IL20RB: variants seen among roughly 807,000 people sequenced by gnomAD.
The protein encoded by IL20RB is interleukin 20 receptor subunit beta.
A neutral mutation model predicts 33.3 loss-of-function variants in IL20RB; 21 were observed. That is an observed-to-expected ratio of 0.63 (90% CI 0.45 to 0.91). The LOEUF is 0.91. IL20RB is among the 40% of genes least tolerant of loss of function. The probability of loss-of-function intolerance (pLI) is 0.00; values close to 1 mark genes in which losing one functional copy is unlikely to be tolerated. For missense variants in IL20RB, 345 were observed against 384.8 expected, an observed-to-expected ratio of 0.90 and a Z score of 0.86; for synonymous variants, 147 against 146.8, an observed-to-expected ratio of 1.00 and a Z score of -0.01.
At chr3:136,985,694 C>G (rs1237146389) in intron 3 of IL20RB, among the ~76,000 whole-genome samples, 1 of 152,114 alleles carries the variant, frequency 6.6e-6, no homozygotes, top group East Asian at 1.9e-4. Flanking sequence ...TTTAACTTTG[C>G]ACATTTGAGT....
chr3:136,987,945 C>T lies in IL20RB; in HGVS notation c.407-1496C>T, dbSNP rs1473537128. Among the ~76,000 whole-genome samples the T allele has an allele frequency of 2.0e-5, 3 of 152,308 alleles. No individual in the cohort carries two copies. The East Asian group carries it at 5.8e-4, about 29-fold the overall frequency. On this transcript the variant is annotated intron_variant, in intron 3 of 6. Coordinates refer to ENST00000329582, the MANE Select transcript of IL20RB (RefSeq NM_144717.4). The stretch of plus-strand genomic sequence containing the variant: ...GCTGGCCCGCAAGCGCCGCGTGCAG[C>T]CCCGGTTCCAGCTCGCGCCTCTCCC...
chr3:136,987,122 C>G (rs1031771602), intron 3 of IL20RB, among the ~76,000 whole-genome samples: 1 of 152,040 alleles, frequency 6.6e-6, no homozygotes, highest in East Asian at 1.9e-4. Flanking sequence ...TGGAAGGGGA[C>G]CCGAGCGGGT....
intron 2 of IL20RB, among the ~76,000 whole-genome samples, chr3:136,980,909 T>C (rs1447455723): frequency 4.6e-5 from 7 of 152,194 alleles, no homozygotes; most frequent in African/African-American, 1.2e-4. Flanking sequence ...TCAGATCCTT[T>C]AAGGGTGGAG....
intron 1 of IL20RB, among the ~76,000 whole-genome samples, chr3:136,970,499 A>G (rs1266661489): frequency 6.6e-6 from 1 of 152,170 alleles, no homozygotes; most frequent in Non-Finnish European, 1.5e-5. Flanking sequence ...TGTTTCATTG[A>G]TCTTGGGTCT....
chr3:136,963,473 T>G (rs1941280620), intron 1 of IL20RB, among the ~76,000 whole-genome samples: 1 of 152,198 alleles, frequency 6.6e-6, no homozygotes. Context: ...TTGAAAACTT[T>G]TAGCCATTCT....
chr3:136,977,742 C>T (rs183121), intron 1 of IL20RB, among the ~76,000 whole-genome samples: 89,017 of 151,866 alleles, frequency 0.59, 26,707 homozygotes, highest in East Asian at 0.9. Context: ...GCCAGGCTGG[C>T]CTCGAACTCC....
chr3:136,990,006 G>C (rs1185911941), intron 4 of IL20RB, among the ~76,000 whole-genome samples: 2 of 152,066 alleles, frequency 1.3e-5, no homozygotes, highest in East Asian at 3.9e-4. Context: ...AAGAGGTAGA[G>C]GCAGGGATCC....
intron 6 of IL20RB, among the ~76,000 whole-genome samples, chr3:136,998,788 C>G (rs1483344802): frequency 6.6e-6 from 1 of 152,052 alleles, no homozygotes; most frequent in Non-Finnish European, 1.5e-5. Context: ...TCCCAAAGTG[C>G]TGGGATGACA....
chr3:136,962,935 A>C (rs1941264288), intron 1 of IL20RB, among the ~76,000 whole-genome samples: 1 of 151,580 alleles, frequency 6.6e-6, no homozygotes. Context: ...AAGCTTAGTT[A>C]ATAATATTGC....
At chr3:136,989,096 A>G (rs1941974141) in intron 3 of IL20RB, among the ~76,000 whole-genome samples, 1 of 152,230 alleles carries the variant, frequency 6.6e-6, no homozygotes, top group South Asian at 2.1e-4. Flanking sequence ...TAAAATTTTA[A>G]AAGAGCAAGA....
At chr3:136,989,309 T>A in intron 3 of IL20RB, 132 bp from the exon 4 acceptor site, 2 of 1,000,992 alleles carry the variant, frequency 2.0e-6, no homozygotes, top group Non-Finnish European at 3.0e-6. Context: ...TTCCATGAGC[T>A]TGAAGCTACA....
intron 3 of IL20RB, among the ~76,000 whole-genome samples, chr3:136,986,488 T>G (rs950320958): frequency 4.6e-5 from 7 of 152,194 alleles, no homozygotes; most frequent in Admixed American, 4.6e-4. Flanking sequence ...AATATCTGTT[T>G]CCCTTCTGAA....
chr3:136,983,176 C>T (rs968070047), intron 3 of IL20RB, among the ~76,000 whole-genome samples: 10 of 152,096 alleles, frequency 6.6e-5, no homozygotes, highest in Admixed American at 1.3e-4. Flanking sequence ...CAACCTCTGT[C>T]TCCTGGGTTC....
chr3:136,973,631 G>T (rs1941544743), intron 1 of IL20RB, among the ~76,000 whole-genome samples: 2 of 152,170 alleles, frequency 1.3e-5, no homozygotes, highest in Non-Finnish European at 2.9e-5. Flanking sequence ...TTTCTGTCCA[G>T]ATGATCTGTC....
At chr3:136,971,492 C>T (rs778031749) in intron 1 of IL20RB, among the ~76,000 whole-genome samples, 1 of 152,230 alleles carries the variant, frequency 6.6e-6, no homozygotes, top group African/African-American at 2.4e-5. Flanking sequence ...CCCACTCCCA[C>T]CCCACTCACT....
At chr3:136,980,749 AAG>A (rs1941751903) in intron 2 of IL20RB, among the ~76,000 whole-genome samples, 157 bp downstream of exon 2, 1 of 152,234 alleles carries the variant, frequency 6.6e-6, no homozygotes, top group Non-Finnish European at 1.5e-5. Flanking sequence ...GAAAGAGTTG[AAG>A]AAGCAAGGGA....
chr3:137,006,963 A>T (rs989213066), intron 6 of IL20RB, among the ~76,000 whole-genome samples: 2 of 150,662 alleles, frequency 1.3e-5, no homozygotes, highest in African/African-American at 4.9e-5. Flanking sequence ...GGTGTAGATG[A>T]CCTTTTTGTT....
intron 6 of IL20RB, among the ~76,000 whole-genome samples, chr3:136,999,949 T>C (rs75430708): frequency 0.022 from 3,288 of 152,316 alleles, 112 homozygotes; most frequent in African/African-American, 0.075. Context: ...TGCTTTACTT[T>C]AAAATCTTTG....
At position 136,982,299 on chromosome 3, in the gene IL20RB, T is replaced by A. The variant is rs753406704; in HGVS notation, c.355T>A (p.Ser119Thr). 6.2e-7 allele frequency: 1 copy of A among 1,609,498 alleles called. No homozygotes were observed. The highest frequency in any genetic ancestry group is 8.5e-7 in the Non-Finnish European group (1 of 1,176,522). The change falls in exon 3 of 7, where the codon TCA becomes ACA. Residue 119 changes from serine to threonine, a missense_variant. Coordinates refer to ENST00000329582, the MANE Select transcript of IL20RB (RefSeq NM_144717.4). ...CCTTCGTGTCAGGGCCACATTGGGCTCACAGACCTCAGCCTGGAGCATCCT... is the reference window on the plus strand; with the variant it reads ...CCTTCGTGTCAGGGCCACATTGGGCACACAGACCTCAGCCTGGAGCATCCT... Reference protein sequence around the residue: ...YNLRVRATLGSQTSAWSILKH... With the variant: ...YNLRVRATLGTQTSAWSILKH...
Sources: gnomAD v4.1 joint callset for allele counts (sites outside exome capture counted in the v4.1 genomes callset) on GRCh38, gnomAD v4.1.1 for gene constraint, MANE v1.5 for transcripts, NCBI Gene and HGNC (gene_info 2026-07-23, HGNC 2026-07-21) for gene names.